TG: variants seen among roughly 807,000 people sequenced by gnomAD.
The protein encoded by TG is thyroid hormones.
TG carries 270 observed loss-of-function variants against 324.7 expected under a neutral mutation model. The observed-to-expected ratio is 0.83, with a 90% CI of 0.75 to 0.92. The LOEUF (loss-of-function observed/expected upper bound fraction) is 0.92, where lower values mean the gene tolerates loss of function less well. Ranked by LOEUF, TG falls within the 40% of genes least tolerant of loss-of-function variation. The pLI is 0.00. For missense variants in TG, 3,591 were observed against 3,456.4 expected, an observed-to-expected ratio of 1.04 and a Z score of -0.98; for synonymous variants, 1,401 against 1,327.0, an observed-to-expected ratio of 1.06 and a Z score of -1.21.
At chr8:133,019,996 T>A (rs1835412114) in intron 39 of TG, among the ~76,000 whole-genome samples, 1 of 152,232 alleles carries the variant, frequency 6.6e-6, no homozygotes, top group Admixed American at 6.5e-5. Context: ...ATGATTTTAT[T>A]GGTCTTCACA....
At chr8:133,051,711 G>T (rs989507861) in intron 41 of TG, among the ~76,000 whole-genome samples, 6 of 152,170 alleles carry the variant, frequency 3.9e-5, no homozygotes, top group African/African-American at 1.4e-4. Flanking sequence ...CGATACGTCT[G>T]CTTCTATCCT....
At chr8:132,904,343 T>G (rs909235164) in intron 16 of TG, among the ~76,000 whole-genome samples, 3 of 152,192 alleles carry the variant, frequency 2.0e-5, no homozygotes, top group Admixed American at 6.5e-5. Flanking sequence ...GCCACTTAGC[T>G]CCCTTGAGCC....
intron 41 of TG, chr8:133,044,964 C>T (rs1839030717): frequency 6.2e-7 from 1 of 1,613,610 alleles, no homozygotes; most frequent in African/African-American, 1.3e-5. Flanking sequence ...CACAATCACT[C>T]CATATTGTAT....
rs1471675756 is a variant in TG at position 132,888,124 on chromosome 8, C to G, written c.2317C>G (p.Gln773Glu). The G allele has an allele frequency of 4.3e-6, 7 of 1,614,102 alleles. No homozygotes were observed. The highest frequency in any genetic ancestry group is 5.9e-6 in the Non-Finnish European group (7 of 1,180,010). ...CSTDGQWRQV[Q>E]CNGPPEQVFE... ...CACCGATGGGCAGTGGAGACAAGTG[C>G]AATGCAATGGGCCTCCTGAGCAGGT... The change falls in exon 10 of 48, where the codon CAA becomes GAA. Residue 773 changes from glutamine to glutamate, a missense_variant. Coordinates refer to ENST00000220616, the MANE Select transcript of TG (RefSeq NM_003235.5).
chr8:133,057,274 A>G (rs756953473), intron 41 of TG, among the ~76,000 whole-genome samples: 10 of 152,206 alleles, frequency 6.6e-5, no homozygotes, highest in Non-Finnish European at 1.3e-4. Context: ...AGGTGGAAAT[A>G]TGCCATTTCC....
intron 41 of TG, chr8:133,050,790 G>C (rs753611465): frequency 7.0e-7 from 1 of 1,420,940 alleles, no homozygotes; most frequent in Non-Finnish European, 1.0e-6. Context: ...TTTGAAGATT[G>C]CACAAGTTTT....
At chr8:133,055,355 ACG>A (rs1436596322) in intron 41 of TG, among the ~76,000 whole-genome samples, 6 of 66,604 alleles carry the variant, frequency 9.0e-5, no homozygotes, top group African/African-American at 3.4e-4. Context: ...GGACACACAC[ACG>A]CACGCGCGCA....
intron 41 of TG, among the ~76,000 whole-genome samples, chr8:133,081,641 G>A (rs1845767499): frequency 6.6e-6 from 1 of 152,190 alleles, no homozygotes; most frequent in Non-Finnish European, 1.5e-5. Flanking sequence ...GCGAAGAGCT[G>A]CACAGATATG....
intron 5 of TG, among the ~76,000 whole-genome samples, chr8:132,875,146 A>T (rs1479023820): frequency 6.6e-6 from 1 of 152,134 alleles, no homozygotes; most frequent in Non-Finnish European, 1.5e-5. Context: ...ATGGGTGCAA[A>T]TTTACAAAGT....
chr8:132,972,561 T>G, intron 33 of TG, 37 bp from the exon 34 acceptor site: 1 of 1,596,056 alleles, frequency 6.3e-7, no homozygotes. Flanking sequence ...CTCAGTTTCC[T>G]GATTGTGGTT....
intron 27 of TG, among the ~76,000 whole-genome samples, chr8:132,950,010 G>T (rs1358125805): frequency 6.6e-6 from 1 of 152,224 alleles, no homozygotes; most frequent in African/African-American, 2.4e-5. Context: ...GGTTAGAAAT[G>T]CAGAGTCTCA....
rs985728366 is a variant in TG, at chr8:132,898,032, G to A, written c.3140-137G>A. 6.7e-5 allele frequency: 64 copies of A among 955,348 alleles called. No homozygotes were observed. In the Admixed American group the frequency reaches 9.0e-4, roughly 13 times the overall value. 59.2% of individuals were successfully genotyped at this position (955,348 alleles called of 1,614,324 possible). Reference sequence around the variant, plus strand: ...ATCAGAGTGATTGTGGACAATGTCCGGCTGGGGGTCTAGACTGGGGACAGA... The same window carrying A: ...ATCAGAGTGATTGTGGACAATGTCCAGCTGGGGGTCTAGACTGGGGACAGA... On this transcript the variant is annotated intron_variant, in intron 12 of 47. Transcript: ENST00000220616.
At chr8:132,880,089 G>C (rs1346110632) in intron 5 of TG, among the ~76,000 whole-genome samples, 1 of 152,182 alleles carries the variant, frequency 6.6e-6, no homozygotes, top group Non-Finnish European at 1.5e-5. Context: ...GTGTCAGACA[G>C]AGTCACATGC....
intron 5 of TG, 26 bp downstream of exon 5, chr8:132,873,247 C>T (rs555971713): frequency 6.2e-7 from 1 of 1,613,466 alleles, no homozygotes; most frequent in African/African-American, 1.3e-5. Flanking sequence ...GTGTGCCAGT[C>T]ACTGGGCCAT....
intron 41 of TG, among the ~76,000 whole-genome samples, chr8:133,077,224 G>T (rs1845027142): frequency 6.6e-6 from 1 of 152,158 alleles, no homozygotes; most frequent in Non-Finnish European, 1.5e-5. Context: ...AAGACAATCA[G>T]CCCTAAAGAT....
intron 46 of TG, 50 bp downstream of exon 46, chr8:133,131,996 G>T (rs759667971): frequency 1.2e-6 from 2 of 1,612,296 alleles, no homozygotes; most frequent in Non-Finnish European, 8.5e-7. Flanking sequence ...TTTTCCTCCC[G>T]CTTCCTTCAA....
intron 16 of TG, among the ~76,000 whole-genome samples, chr8:132,902,372 A>G (rs1818045919): frequency 6.6e-6 from 1 of 152,112 alleles, no homozygotes; most frequent in East Asian, 1.9e-4. Flanking sequence ...CTTCTGGTTG[A>G]TATTTGTAAA....
intron 43 of TG, among the ~76,000 whole-genome samples, chr8:133,104,094 G>T (rs75728006): frequency 0.011 from 1,739 of 152,276 alleles, 36 homozygotes; most frequent in African/African-American, 0.04. Context: ...TTGAGGTACA[G>T]AGTGGGTGCA....
At chr8:133,102,804 A>AG in intron 43 of TG, 1 of 475,602 alleles carries the variant, frequency 2.1e-6, no homozygotes, top group Non-Finnish European at 3.9e-6. Context: ...GGCATCTCCA[A>AG]GGAAGGCGAG....
Sources: allele counts gnomAD v4.1 joint callset (sites outside exome capture counted in the v4.1 genomes callset), GRCh38; gene constraint gnomAD v4.1.1; transcripts MANE v1.5; gene names NCBI Gene and HGNC (gene_info 2026-07-23, HGNC 2026-07-21).